Variants in LINGO2 observed in about 807,000 individuals in gnomAD.
LINGO2 encodes the protein leucine-rich repeat and immunoglobulin-like domain-containing nogo receptor-interacting protein 2.
LINGO2 carries 14 observed loss-of-function variants against 30.6 expected under a neutral mutation model. The observed-to-expected ratio is 0.46, with a 90% CI of 0.30 to 0.72. The LOEUF (loss-of-function observed/expected upper bound fraction) is 0.72, where lower values mean the gene tolerates loss of function less well. Ranked by LOEUF, LINGO2 falls within the 30% of genes least tolerant of loss-of-function variation. The pLI, the probability that LINGO2 is intolerant of heterozygous loss-of-function variation, is 0.07. For synonymous variants in LINGO2, 317 were observed against 288.5 expected, an observed-to-expected ratio of 1.10 and a Z score of -1.00; for missense variants, 729 against 751.7, an observed-to-expected ratio of 0.97 and a Z score of 0.35.
chr9:28,722,331 T>G, the LINGO2 span, among the ~76,000 whole-genome samples: 148 of 152,242 alleles, frequency 9.7e-4, no homozygotes, highest in African/African-American at 3.2e-3. Context: ...CATTTTGAAA[T>G]CTTTTGTTTG....
At chr9:28,056,154 G>C (rs1052402976) in intron 4 of LINGO2, among the ~76,000 whole-genome samples, 1 of 152,168 alleles carries the variant, frequency 6.6e-6, no homozygotes. Context: ...GCAAGAGCAG[G>C]GCGGAGCAGG....
chr9:28,883,628 G>GTGTGTATTTATATATA, the LINGO2 span, among the ~76,000 whole-genome samples: 2 of 64,180 alleles, frequency 3.1e-5, no homozygotes, highest in Non-Finnish European at 3.0e-5. Context: ...ATGTGTGTGT[G>GTGTGTATTTATATATA]TATATATATA....
chr9:28,802,525 G>A, the LINGO2 span, among the ~76,000 whole-genome samples: 1 of 151,904 alleles, frequency 6.6e-6, no homozygotes, highest in Non-Finnish European at 1.5e-5. Flanking sequence ...AAGAATATAA[G>A]TGATATTTTC....
chr9:28,990,042 C>G, the LINGO2 span, among the ~76,000 whole-genome samples: 1 of 152,164 alleles, frequency 6.6e-6, no homozygotes, highest in Non-Finnish European at 1.5e-5. Flanking sequence ...ACAGTGGGCG[C>G]AGGACAGTGG....
chr9:28,587,068 C>G (rs1352469017), intron 1 of LINGO2, among the ~76,000 whole-genome samples: 1 of 151,876 alleles, frequency 6.6e-6, no homozygotes, highest in East Asian at 1.9e-4. Flanking sequence ...CACTCAGTTT[C>G]CAGAAGAGTA....
chr9:29,108,519 A>C, the LINGO2 span, among the ~76,000 whole-genome samples: 14 of 152,170 alleles, frequency 9.2e-5, no homozygotes, highest in Non-Finnish European at 1.5e-4. Context: ...AGGAGCAAAG[A>C]TGCTACCAAT....
At chr9:28,958,248 T>C in the LINGO2 span, among the ~76,000 whole-genome samples, 1 of 152,136 alleles carries the variant, frequency 6.6e-6, no homozygotes, top group Non-Finnish European at 1.5e-5. Flanking sequence ...AGGATTGTAA[T>C]GATATTGACC....
the LINGO2 span, among the ~76,000 whole-genome samples, chr9:29,041,322 A>G: frequency 1.1e-4 from 17 of 152,180 alleles, no homozygotes; most frequent in East Asian, 2.3e-3. Flanking sequence ...GGACACAAAG[A>G]CAAGCTTATT....
At chr9:28,636,312 G>T (rs1827270844) in intron 1 of LINGO2, among the ~76,000 whole-genome samples, 1 of 152,168 alleles carries the variant, frequency 6.6e-6, no homozygotes, top group Admixed American at 6.5e-5. Context: ...ATAGCAGCAT[G>T]TTTTATAATC....
the LINGO2 span, among the ~76,000 whole-genome samples, chr9:28,770,438 C>A: frequency 2.0e-5 from 3 of 152,154 alleles, no homozygotes; most frequent in Non-Finnish European, 4.4e-5. Context: ...TTTATTCTCA[C>A]CTGCTTGTAC....
chr9:28,726,820 T>C, the LINGO2 span, among the ~76,000 whole-genome samples: 1 of 152,204 alleles, frequency 6.6e-6, no homozygotes, highest in African/African-American at 2.4e-5. Context: ...AGGAAAGTCA[T>C]ATATTTGTTA....
intron 2 of LINGO2, among the ~76,000 whole-genome samples, chr9:28,382,536 T>A (rs111812456): frequency 3.2e-4 from 49 of 152,122 alleles, no homozygotes; most frequent in Non-Finnish European, 4.9e-4. Flanking sequence ...TTTCCTGTGT[T>A]GTACATCAGC....
chr9:28,720,511 C>T, the LINGO2 span, among the ~76,000 whole-genome samples: 1 of 151,996 alleles, frequency 6.6e-6, no homozygotes, highest in African/African-American at 2.4e-5. Context: ...CTCTTTCCCC[C>T]AGTTCTCCCA....
At chr9:29,115,587 G>GT in the LINGO2 span, among the ~76,000 whole-genome samples, 2,177 of 150,512 alleles carry the variant, frequency 0.014, 37 homozygotes, top group African/African-American at 0.048. Flanking sequence ...TATTGAATGT[G>GT]TTTTTTTTTA....
the LINGO2 span, among the ~76,000 whole-genome samples, chr9:28,788,236 G>A: frequency 6.6e-6 from 1 of 152,078 alleles, no homozygotes; most frequent in Non-Finnish European, 1.5e-5. Flanking sequence ...AGTAATTAAA[G>A]CTCCTTGTGC....
intron 1 of LINGO2, among the ~76,000 whole-genome samples, chr9:28,645,753 T>C (rs1168031940): frequency 6.6e-6 from 1 of 152,098 alleles, no homozygotes; most frequent in East Asian, 1.9e-4. Flanking sequence ...GAAAATGATA[T>C]CTAATATCAG....
chr9:28,839,916 C>T, the LINGO2 span, among the ~76,000 whole-genome samples: 668 of 152,248 alleles, frequency 4.4e-3, 2 homozygotes, highest in African/African-American at 0.015. Context: ...CCTCAGCACC[C>T]CCTCATCCTC....
chr9:28,106,749 A>G (rs1038555164), intron 4 of LINGO2, among the ~76,000 whole-genome samples: 1 of 152,174 alleles, frequency 6.6e-6, no homozygotes, highest in South Asian at 2.1e-4. Flanking sequence ...CAAATTCTTT[A>G]AACTTTTCAA....
At chr9:28,555,301 A>T (rs538666569) in intron 1 of LINGO2, among the ~76,000 whole-genome samples, 1 of 142,104 alleles carries the variant, frequency 7.0e-6, no homozygotes, top group African/African-American at 2.8e-5. Flanking sequence ...ACAATAAAAA[A>T]TGATAAAGGG....
Sources: allele counts gnomAD v4.1 joint callset (sites outside exome capture counted in the v4.1 genomes callset), GRCh38; gene constraint gnomAD v4.1.1; transcripts MANE v1.5; gene names NCBI Gene and HGNC (gene_info 2026-07-23, HGNC 2026-07-21).